PPM1A: variants seen among roughly 807,000 people sequenced by gnomAD.
PPM1A encodes protein phosphatase, Mg2+/Mn2+ dependent 1A.
PPM1A carries 7 observed loss-of-function variants against 35.0 expected under a neutral mutation model. The ratio of observed to expected loss-of-function variants is 0.20; its 90% CI spans 0.11 to 0.38. The LOEUF is 0.38. Ranked by LOEUF, PPM1A falls within the 10% of genes least tolerant of loss-of-function variation. The pLI, the probability that PPM1A is intolerant of heterozygous loss-of-function variation, is 1.00. For missense variants in PPM1A, 239 were observed against 467.8 expected (o/e 0.51, Z 4.51); for synonymous variants, 153 against 167.3 (o/e 0.91, Z 0.66).
chr14:60,281,902 C>G (rs976369989), intron 1 of PPM1A, among the ~76,000 whole-genome samples: 1 of 152,074 alleles, frequency 6.6e-6, no homozygotes, highest in Non-Finnish European at 1.5e-5. Context: ...TAATAGATTA[C>G]TAGTAGTAAT....
At chr14:60,259,568 T>A (rs1191761301) in intron 1 of PPM1A, among the ~76,000 whole-genome samples, 2 of 152,078 alleles carry the variant, frequency 1.3e-5, no homozygotes, top group East Asian at 3.8e-4. Context: ...TTTGGATAAC[T>A]TGGATAAGAC....
At chr14:60,270,894 A>G (rs934304298) in intron 1 of PPM1A, among the ~76,000 whole-genome samples, 1 of 152,202 alleles carries the variant, frequency 6.6e-6, no homozygotes, top group African/African-American at 2.4e-5. Context: ...TTTCTTTCCC[A>G]ACAGAAGAAC....
At chr14:60,249,151 C>CGGGGCGGGGCGAGCGGAGGGGTGGGGGA, upstream of PPM1A, 1 of 864,334 alleles carries the variant, frequency 1.2e-6, no homozygotes, top group Non-Finnish European at 1.4e-6. This position sits in a 1 kb window ranked among gnomAD's most constrained non-coding sequence, Gnocchi z 4.5. Flanking sequence ...GCGGAGCCAG[C>CGGGGCGGGGCGAGCGGAGGGGTGGGGGA]GGGGCGGGGC....
upstream of PPM1A, chr14:60,245,765 G>A (rs191796650): frequency 4.8e-6 from 6 of 1,257,384 alleles, no homozygotes; most frequent in East Asian, 2.5e-5. The surrounding 1 kb of genome is among the most constrained non-coding windows in gnomAD (Gnocchi z 4.2). Context: ...GTATTATGAT[G>A]TAGGGGAGGG....
At position 60,291,465 on chromosome 14, in the gene PPM1A, T is replaced by G; in HGVS notation, c.1119+11T>G. On this transcript the variant is annotated intron_variant, in intron 5 of 5. Coordinates refer to ENST00000395076, the MANE Select transcript of PPM1A (RefSeq NM_021003.5). The stretch of plus-strand genomic sequence containing the variant: ...AAAAATGACGACACTGTAAGTAGCA[T>G]TTTAGCTCCCTCTGCTTTCCCTTCC... The G allele has an allele frequency of 2.6e-6, 4 of 1,566,770 alleles. No individual in the cohort carries two copies. Among genetic ancestry groups the G allele is most frequent in the Non-Finnish European group, 3.5e-6 (4 of 1,148,062 alleles).
In PPM1A at chr14:60,296,164, C is replaced by T. The variant is rs1250268016; in HGVS notation, c.*3682C>T. On this transcript the variant is annotated 3_prime_UTR_variant, in exon 6 of 6. Coordinates refer to ENST00000395076, the MANE Select transcript of PPM1A (RefSeq NM_021003.5). This position sits in a 1 kb window ranked among gnomAD's most constrained non-coding sequence, Gnocchi z 4.4. Reference sequence around the variant, plus strand: ...TAAGTAGAACTCTGTGTTTTTGTAACACACTGCCAGTGTTAATATCAAATT... The same window carrying T: ...TAAGTAGAACTCTGTGTTTTTGTAATACACTGCCAGTGTTAATATCAAATT... 1 of 151,676 alleles carries T rather than the reference C, an allele frequency of 6.6e-6. No homozygotes were observed. Among genetic ancestry groups the T allele is most frequent in the African/African-American group, 2.4e-5 (1 of 41,380 alleles). The allele number at this position is 151,676 out of a possible 1,614,324, so 9.4% of individuals were successfully genotyped here. A position where few individuals can be genotyped will look rare whatever the true frequency, so the allele number is the denominator to read the frequency against.
chr14:60,292,743 T>C lies in PPM1A; in HGVS notation c.*261T>C. 2.8e-6 allele frequency: 1 copy of C among 360,664 alleles called. No homozygotes were observed. The allele number at this position is 360,664 out of a possible 1,614,324, so 22.3% of individuals were successfully genotyped here. On this transcript the variant is annotated 3_prime_UTR_variant, in exon 6 of 6. Coordinates refer to ENST00000395076, the MANE Select transcript of PPM1A (RefSeq NM_021003.5). This position sits in a 1 kb window ranked among gnomAD's most constrained non-coding sequence, Gnocchi z 4.2. ...AATCAGACTCCAGCAATTTTTGTTG[T>C]ATGATTTTGTTTTTTTGTAAAGTGT...
chr14:60,254,880 T>C lies in PPM1A; in HGVS notation c.-21+5203T>C, dbSNP rs115222683. Among the ~76,000 whole-genome samples the C allele has an allele frequency of 4.2e-3, 637 of 152,348 alleles. 10 individuals carry two copies. The highest frequency in any genetic ancestry group is 0.015 in the African/African-American group (606 of 41,580). On this transcript the variant is annotated intron_variant, in intron 1 of 5. Coordinates refer to ENST00000395076, the MANE Select transcript of PPM1A (RefSeq NM_021003.5). ...AAGTTCAGAATTCTTGGTTTGGCTT[T>C]TGACACTTTCCATGATTGGACCTCA...
rs917016587 is a variant in PPM1A at position 60,298,609 on chromosome 14, A to T, written c.*6127A>T. On this transcript the variant is annotated 3_prime_UTR_variant, in exon 6 of 6. Transcript: ENST00000395076. ...TGACTAAATAGCATATCTGCAGGAAAATATCTTGTTTGTAGTGATATGCCC... is the reference window on the plus strand; with the variant it reads ...TGACTAAATAGCATATCTGCAGGAATATATCTTGTTTGTAGTGATATGCCC... 1 of 151,786 alleles carries T rather than the reference A, an allele frequency of 6.6e-6. No homozygotes were observed. The highest frequency in any genetic ancestry group is 2.4e-5 in the African/African-American group (1 of 41,412). 9.4% of individuals were successfully genotyped at this position (151,786 alleles called of 1,614,324 possible).
intron 1 of PPM1A, among the ~76,000 whole-genome samples, chr14:60,276,057 C>T (rs1885719979): frequency 6.6e-6 from 1 of 152,066 alleles, no homozygotes; most frequent in African/African-American, 2.4e-5. Context: ...CTTTGAACCC[C>T]AGGTATGCAG....
At chr14:60,270,238 G>T (rs551887963) in intron 1 of PPM1A, among the ~76,000 whole-genome samples, 1 of 152,070 alleles carries the variant, frequency 6.6e-6, no homozygotes, top group East Asian at 1.9e-4. Context: ...ATATTGCAAT[G>T]ATATTTTTTC....
chr14:60,291,332 C>G (rs1035412290), intron 4 of PPM1A, 65 bp from the exon 5 acceptor site: 1 of 1,121,642 alleles, frequency 8.9e-7, no homozygotes, highest in African/African-American at 1.6e-5. Context: ...AAACACCTGG[C>G]TATGAGTTAC....
chr14:60,277,793 T>C (rs903236620), intron 1 of PPM1A, among the ~76,000 whole-genome samples: 4 of 152,204 alleles, frequency 2.6e-5, no homozygotes, highest in Non-Finnish European at 4.4e-5. Context: ...AGGCATTGCC[T>C]CATTTAAACC....
upstream of PPM1A, among the ~76,000 whole-genome samples, chr14:60,247,627 CAAAAAAAAAAAA>C (rs58749853): frequency 8.0e-5 from 4 of 50,144 alleles, no homozygotes; most frequent in Non-Finnish European, 1.6e-4. Context: ...GACTCTGTCT[CAAAAAAAAAAAA>C]AAAAAAAAAA....
chr14:60,277,060 C>A, intron 1 of PPM1A: 1 of 1,205,284 alleles, frequency 8.3e-7, no homozygotes, highest in Non-Finnish European at 1.1e-6. Context: ...TGATGAGACT[C>A]AGCTTGTACT....
At chr14:60,248,922 G>T (rs1017108430), upstream of PPM1A, among the ~76,000 whole-genome samples, 7 of 152,214 alleles carry the variant, frequency 4.6e-5, no homozygotes, top group Non-Finnish European at 7.3e-5. Flanking sequence ...CCCGGGTCCT[G>T]GCTGCTATCC....
At chr14:60,247,828 G>A (rs1416101936), upstream of PPM1A, among the ~76,000 whole-genome samples, 1 of 152,058 alleles carries the variant, frequency 6.6e-6, no homozygotes, top group African/African-American at 2.4e-5. Flanking sequence ...GTAGTAGGGT[G>A]CAAATTGCTA....
At chr14:60,286,483 AGT>A (rs1197005856) in intron 3 of PPM1A, 16 of 985,282 alleles carry the variant, frequency 1.6e-5, no homozygotes, top group Non-Finnish European at 3.6e-6. Flanking sequence ...TGACTTTAAT[AGT>A]GTTAAAACAT....
At chr14:60,291,669 G>A (rs947409383) in intron 5 of PPM1A, among the ~76,000 whole-genome samples, 1 of 151,076 alleles carries the variant, frequency 6.6e-6, no homozygotes. Context: ...TCTCAAAAAA[G>A]AAGAAAGTCC....
Sources: allele counts gnomAD v4.1 joint callset (sites outside exome capture counted in the v4.1 genomes callset), GRCh38; gene constraint gnomAD v4.1.1; non-coding constraint Gnocchi (gnomAD v3.1); transcripts MANE v1.5; gene names NCBI Gene and HGNC (gene_info 2026-07-23, HGNC 2026-07-21).